PTCH2: variants seen among roughly 807,000 people sequenced by gnomAD.
PTCH2 encodes patched 2, also known as protein patched homolog 2.
A neutral mutation model predicts 117.9 loss-of-function variants in PTCH2; 96 were observed. The observed-to-expected ratio is 0.81, with a 90% confidence interval of 0.69 to 0.96. PTCH2 has a LOEUF of 0.96. PTCH2 is among the 50% of genes least tolerant of loss of function. The probability of loss-of-function intolerance (pLI) is 0.00; values close to 1 mark genes in which losing one functional copy is unlikely to be tolerated. For synonymous variants in PTCH2, 615 were observed against 660.9 expected, an observed-to-expected ratio of 0.93 and a Z score of 1.06; for missense variants, 1,379 against 1,562.5, an observed-to-expected ratio of 0.88 and a Z score of 1.98.
chr1:44,828,974 G>A lies in PTCH2; in HGVS notation c.1464+8C>T. The A allele has an allele frequency of 1.9e-6, 3 of 1,553,038 alleles. No homozygotes were observed. Among genetic ancestry groups the A allele is most frequent in the Non-Finnish European group, 2.6e-6 (3 of 1,147,662 alleles). Reference sequence around the variant, plus strand: ...GCCTCAGATGAGCCCTGGGGGACAAGGCCCCACCTGGAGAGGGGTGCCAGG... The same window carrying A: ...GCCTCAGATGAGCCCTGGGGGACAAAGCCCCACCTGGAGAGGGGTGCCAGG... On this transcript the variant is annotated splice_region_variant and intron_variant, in intron 11 of 21. Transcript: ENST00000372192.
Position 44,842,939 on chromosome 1 carries a change from G to T in PTCH2, c.-7C>A, listed in dbSNP as rs371711191. 31 of 1,537,490 alleles carry T rather than the reference G, an allele frequency of 2.0e-5. No individual in the cohort carries two copies. Among genetic ancestry groups the T allele is most frequent in the Non-Finnish European group, 2.6e-5 (30 of 1,142,598 alleles). On this transcript the variant is annotated 5_prime_UTR_variant, in exon 1 of 22. Transcript: ENST00000372192. Reference sequence around the variant, plus strand: ...GGGGCGGCGATCGAGTCATGCTGGCGGGGATGGGGGGCGCGGGCGCCCCCA... The same window carrying T: ...GGGGCGGCGATCGAGTCATGCTGGCTGGGATGGGGGGCGCGGGCGCCCCCA...
Position 44,831,429 on chromosome 1 carries a change from A to C in PTCH2, c.617+277T>G, listed in dbSNP as rs547189310. Among the ~76,000 whole-genome samples the C allele has an allele frequency of 4.6e-5, 7 of 152,330 alleles. No homozygotes were observed. The highest frequency in any genetic ancestry group is 1.7e-4 in the African/African-American group (7 of 41,568). On this transcript the variant is annotated intron_variant, in intron 5 of 21. Transcript: ENST00000372192. This position sits in a 1 kb window ranked among gnomAD's most constrained non-coding sequence, Gnocchi z 4.3. ...AGCAAACACCTAGGTAATTTCCCCC[A>C]GCAAAGCCTCTTTGTGGGGATCTTT...
In PTCH2 at chr1:44,829,507, G is replaced by A. The variant is rs575126296; in HGVS notation, c.1110C>T (p.Asn370=). The change falls in exon 9 of 22, where the codon AAC becomes AAT. Residue 370 remains asparagine, a synonymous_variant. Coordinates refer to ENST00000372192, the MANE Select transcript of PTCH2 (RefSeq NM_003738.5). The part of the protein sequence containing the change: ...VQLAQEALPE[N]ASQQIHAFSS... ...AGAAGGCATGGATCTGCTGGGAAGC[G>A]TTCTCAGGCAGGGCCTCCTGGGCCA... 126 of 1,614,198 alleles carry A rather than the reference G, an allele frequency of 7.8e-5. 1 individual carries two copies. The highest frequency in any genetic ancestry group is 6.3e-4 in the South Asian group (57 of 91,086).
Position 44,826,545 on chromosome 1 carries a change from C to CACCAGCAGGATGCAGACG in PTCH2, c.2901_2918dup (p.Val968_Val973dup), listed in dbSNP as rs1395855251. The CACCAGCAGGATGCAGACG allele has an allele frequency of 6.2e-7, 1 of 1,613,648 alleles. No homozygotes were observed. The highest frequency in any genetic ancestry group is 1.3e-5 in the African/African-American group (1 of 74,906). ...GCAGAGCACAGACGAGGAAAGTGCA[C>CACCAGCAGGATGCAGACG]ACCAGCAGGATGCAGACGGCCAGCA... On this transcript the variant is annotated inframe_insertion, in exon 18 of 22. Coordinates refer to ENST00000372192, the MANE Select transcript of PTCH2 (RefSeq NM_003738.5). The surrounding 1 kb of genome is among the most constrained non-coding windows in gnomAD (Gnocchi z 5.1).
intron 19 of PTCH2, among the ~76,000 whole-genome samples, chr1:44,825,712 A>G (rs763167927): frequency 1.3e-5 from 2 of 151,676 alleles, no homozygotes; most frequent in East Asian, 1.9e-4. Context: ...TTTTCAGTAG[A>G]GACGGGGTTT....
In PTCH2 at chr1:44,843,239, C is replaced by G. The variant is rs11573536; in HGVS notation, c.-307G>C. Reference sequence around the variant, plus strand: ...CTGGCCCGAGACGCACAGCAGGGCTCGAGGTGGCAACTGCAGTCCCCGGGA... The same window carrying G: ...CTGGCCCGAGACGCACAGCAGGGCTGGAGGTGGCAACTGCAGTCCCCGGGA... On this transcript the variant is annotated 5_prime_UTR_variant, in exon 1 of 22. Coordinates refer to ENST00000372192, the MANE Select transcript of PTCH2 (RefSeq NM_003738.5). 977 of 985,382 alleles carry G rather than the reference C, an allele frequency of 9.9e-4. 7 individuals are homozygous for G. In the African/African-American group the frequency reaches 0.016, roughly 16 times the overall value. The allele number at this position is 985,382 out of a possible 1,614,324, so 61.0% of individuals were successfully genotyped here.
intron 3 of PTCH2, 26 bp from the exon 4 acceptor site, chr1:44,832,070 TCAG>T: frequency 1.2e-6 from 2 of 1,612,508 alleles, no homozygotes; most frequent in African/African-American, 1.3e-5. Flanking sequence ...GCATAGGAGA[TCAG>T]CAGAAGAAGG....
intron 2 of PTCH2, 37 bp downstream of exon 2, chr1:44,841,810 C>A: frequency 1.2e-6 from 2 of 1,608,014 alleles, no homozygotes; most frequent in South Asian, 1.1e-5. Flanking sequence ...TTGGGCTCAC[C>A]ATACCTGAGC....
chr1:44,832,492 GC>G, intron 2 of PTCH2, 151 bp from the exon 3 acceptor site: 1 of 788,106 alleles, frequency 1.3e-6, no homozygotes, highest in Non-Finnish European at 2.0e-6. Flanking sequence ...CCTGGTCATG[GC>G]CCAGGCCGAC....
chr1:44,833,439 T>TTTC (rs1160280713), intron 2 of PTCH2, among the ~76,000 whole-genome samples: 2 of 86,512 alleles, frequency 2.3e-5, no homozygotes, highest in Non-Finnish European at 4.7e-5. Context: ...TCTCTTTTCC[T>TTTC]TTTTTTTTTT....
At position 44,826,625 on chromosome 1, in the gene PTCH2, T is replaced by G; in HGVS notation, c.2839A>C (p.Ser947Arg). Residue 947 changes from serine to arginine, a missense_variant, in exon 18 of 22, where the codon AGC becomes CGC. Transcript: ENST00000372192. The surrounding 1 kb of genome is among the most constrained non-coding windows in gnomAD (Gnocchi z 5.1). Reference protein sequence around the residue: ...AGQAGVHAYPSGSPFLFWEQY... With the variant: ...AGQAGVHAYPRGSPFLFWEQY... ...TCCCAGAAGAGGAAGGGGGAGCCGC[T>G]GGGGTAGGCGTGCACCCCAGCCTGG... 1 of 1,613,126 alleles carries G rather than the reference T, an allele frequency of 6.2e-7. No individual in the cohort carries two copies. The highest frequency in any genetic ancestry group is 1.1e-5 in the South Asian group (1 of 91,064).
At chr1:44,820,019 C>T (rs542643672), downstream of PTCH2, 3 of 157,958 alleles carry the variant, frequency 1.9e-5, no homozygotes, top group Non-Finnish European at 2.8e-5. Context: ...CCGCTTCGAA[C>T]CTCGCAGGGA....
intron 2 of PTCH2, among the ~76,000 whole-genome samples, chr1:44,839,348 C>G: frequency 1.0e-5 from 1 of 98,626 alleles, no homozygotes; most frequent in African/African-American, 4.1e-5. Flanking sequence ...GGCAACAGAG[C>G]AAGACTTACT....
In PTCH2 at chr1:44,829,010, G is replaced by A. The variant is rs1653296501; in HGVS notation, c.1436C>T (p.Thr479Ile). 1 of 1,569,690 alleles carries A rather than the reference G, an allele frequency of 6.4e-7. No individual in the cohort carries two copies. The highest frequency in any genetic ancestry group is 8.6e-7 in the Non-Finnish European group (1 of 1,157,156). ...DDVFLLAHAF[T>I]EALPGTPLQE... is the part of the protein sequence containing the mutation. The stretch of plus-strand genomic sequence containing the variant: ...GAGAGGGGTGCCAGGCAGAGCCTCT[G>A]TGAAGGCATGCGCCAGCAGGAATAC... Residue 479 changes from threonine to isoleucine, a missense_variant, in exon 11 of 22, where the codon ACA becomes ATA. Thr to Ile is a moderately conservative substitution (Grantham distance 89). Coordinates refer to ENST00000372192, the MANE Select transcript of PTCH2 (RefSeq NM_003738.5).
downstream of PTCH2, chr1:44,820,334 G>A (rs1484810860): frequency 2.0e-6 from 1 of 510,684 alleles, no homozygotes. Flanking sequence ...GCGGCGCCGG[G>A]TGCGGAGTCC....
Position 44,826,253 on chromosome 1 carries a change from A to G in PTCH2, c.3111T>C (p.Ala1037=). ...TCCCCGGGGTGCCCGTGCTCACCAG[A>G]GCCACGTGGACTGTGAACTCAACGC... ...GIGVEFTVHV[A]LGFLTTQGSR... is the part of the protein sequence containing the mutation. Residue 1037 remains alanine, a synonymous_variant, in exon 19 of 22, where the codon GCT becomes GCC. Transcript: ENST00000372192. This position sits in a 1 kb window ranked among gnomAD's most constrained non-coding sequence, Gnocchi z 5.1. 2 of 1,613,998 alleles carry G rather than the reference A, an allele frequency of 1.2e-6. No individual in the cohort carries two copies.
downstream of PTCH2, chr1:44,820,693 A>T (rs899351780): frequency 1.4e-6 from 1 of 717,986 alleles, no homozygotes; most frequent in Non-Finnish European, 2.6e-6. Context: ...CAGAGGCTAG[A>T]TCTCCTCGGG....
Position 44,822,652 on chromosome 1 carries a change from C to T in PTCH2, c.3375G>A (p.Lys1125=), listed in dbSNP as rs2148871315. The T allele has an allele frequency of 2.5e-6, 4 of 1,613,872 alleles. No individual in the cohort carries two copies. Among genetic ancestry groups the T allele is most frequent in the Non-Finnish European group, 3.4e-6 (4 of 1,179,868 alleles). Residue 1125 remains lysine (K), a synonymous_variant, in exon 22 of 22, where the codon AAG becomes AAA. Transcript: ENST00000372192. ...GTGGACTCAGGATCTCTGGGCTTTC[C>T]TTGTACATCTGTATCACCTGTGGGG... ...GPPPEVIQMY[K]ESPEILSPPA...
In PTCH2 at chr1:44,829,699, C is replaced by T. The variant is rs146689795; in HGVS notation, c.998G>A (p.Arg333Gln). Reference sequence around the variant, plus strand: ...AATGTCATGTGTCTGATAGTCACCCCGGAAATGCTCGTACAGCTGGCGGGG... The same window carrying T: ...AATGTCATGTGTCTGATAGTCACCCTGGAAATGCTCGTACAGCTGGCGGGG... ...MSPRQLYEHF[R>Q]GDYQTHDIGW... Residue 333 changes from arginine (R) to glutamine (Q), a missense_variant, in exon 8 of 22, where the codon CGG becomes CAG. Transcript: ENST00000372192. 3.4e-5 allele frequency: 55 copies of T among 1,614,222 alleles called. No homozygotes were observed. The highest frequency in any genetic ancestry group is 1.3e-4 in the Admixed American group (8 of 60,030).
Sources: gnomAD v4.1 joint callset for allele counts (sites outside exome capture counted in the v4.1 genomes callset) on GRCh38, gnomAD v4.1.1 for gene constraint, Gnocchi (gnomAD v3.1) non-coding constraint, MANE v1.5 for transcripts, NCBI Gene and HGNC (gene_info 2026-07-23, HGNC 2026-07-21) for gene names.